Variants in CPNE5 observed in about 807,000 individuals in gnomAD.
CPNE5 encodes copine 5.
Under a neutral mutation model 81.1 loss-of-function variants are expected in CPNE5, and 42 were observed. The ratio of observed to expected loss-of-function variants is 0.52; its 90% CI spans 0.40 to 0.67. CPNE5 has a LOEUF of 0.67. Among genes scored for constraint, CPNE5 ranks in the 30% least tolerant of loss-of-function variants. The pLI, the probability that CPNE5 is intolerant of heterozygous loss-of-function variation, is 0.00. For synonymous variants in CPNE5, 313 were observed against 321.5 expected (o/e 0.97, Z 0.28); for missense variants, 612 against 815.5 (o/e 0.75, Z 3.04).
Position 36,773,604 on chromosome 6 carries a change from A to C in CPNE5, c.737+1357T>G, listed in dbSNP as rs138222126. Among the ~76,000 whole-genome samples the C allele has an allele frequency of 8.7e-3, 1,327 of 152,252 alleles. 17 individuals carry two copies. The highest frequency in any genetic ancestry group is 0.03 in the African/African-American group (1,245 of 41,526). On this transcript the variant is annotated intron_variant, in intron 10 of 20. Transcript: ENST00000244751. ...TGCTGAATTTGGTATTTTAGGCACA[A>C]CAGAGCCTCGTTGTGTAGGTTGTGT...
At chr6:36,776,821 C>T (rs1448720236) in intron 9 of CPNE5, among the ~76,000 whole-genome samples, 1 of 152,080 alleles carries the variant, frequency 6.6e-6, no homozygotes, top group African/African-American at 2.4e-5. Flanking sequence ...GTGACAGTTC[C>T]CTCTCCTGGC....
rs865884345 is a variant in CPNE5, at chr6:36,834,285, A to G, written c.95+4998T>C. Among the ~76,000 whole-genome samples the G allele has an allele frequency of 1.8e-3, 164 of 91,470 alleles. 2 individuals carry two copies. The highest frequency in any genetic ancestry group is 7.6e-3 in the African/African-American group (157 of 20,720). The allele number at this position is 91,470 out of a possible 152,430, so 60.0% of individuals were successfully genotyped here. A position where few individuals can be genotyped will look rare whatever the true frequency, so the allele number is the denominator to read the frequency against. ...AAAAAAAAAAAAAAAAAAAGGAAGG[A>G]AGGGAGGGAGGGAGGGAGGGAGGGA... On this transcript the variant is annotated intron_variant, in intron 1 of 20. Transcript: ENST00000244751.
At position 36,746,336 on chromosome 6, in the gene CPNE5, C is replaced by CCCCG; in HGVS notation, c.1200+59_1200+60insCGGG. The CCCCG allele has an allele frequency of 7.1e-7, 1 of 1,408,066 alleles. No individual in the cohort carries two copies. The highest frequency in any genetic ancestry group is 9.5e-7 in the Non-Finnish European group (1 of 1,049,494). 87.2% of individuals were successfully genotyped at this position (1,408,066 alleles called of 1,614,324 possible). A position where few individuals can be genotyped will look rare whatever the true frequency, so the allele number is the denominator to read the frequency against. ...AGGAAGGGAAACGTCCCCCCACCCC[C>CCCCG]AGCTTGTCACCTCACCCCCAGCCTG... is the stretch of plus-strand genomic sequence containing the variant. On this transcript the variant is annotated intron_variant, in intron 16 of 20. Coordinates refer to ENST00000244751, the MANE Select transcript of CPNE5 (RefSeq NM_020939.2). The surrounding 1 kb of genome is among the most constrained non-coding windows in gnomAD (Gnocchi z 4.5).
chr6:36,822,219 C>A, intron 2 of CPNE5, 59 bp from the exon 3 acceptor site: 1 of 1,390,860 alleles, frequency 7.2e-7, no homozygotes, highest in South Asian at 1.5e-5. Flanking sequence ...GGAGGGGTCC[C>A]AGATGAAAAG....
chr6:36,797,160 C>A (rs999761109), intron 6 of CPNE5, among the ~76,000 whole-genome samples: 3 of 152,224 alleles, frequency 2.0e-5, no homozygotes, highest in Non-Finnish European at 2.9e-5. Flanking sequence ...ATCGCCTTGG[C>A]CTCCCAAAGT....
intron 11 of CPNE5, among the ~76,000 whole-genome samples, chr6:36,763,286 T>C (rs918600200): frequency 1.2e-4 from 18 of 152,136 alleles, no homozygotes; most frequent in Admixed American, 7.9e-4. Flanking sequence ...AATTTGAATA[T>C]GAAATGAATA....
At position 36,794,642 on chromosome 6, in the gene CPNE5, C is replaced by A; in HGVS notation, c.412G>T (p.Ala138Ser). The change falls in exon 7 of 21, where the codon GCA (alanine) becomes TCA (serine). Residue 138 changes from alanine (A) to serine (S), a missense_variant. Ala to Ser is a moderately conservative substitution (Grantham distance 99, BLOSUM62 1). Coordinates refer to ENST00000244751, the MANE Select transcript of CPNE5 (RefSeq NM_020939.2). ...CCCGTCCTGGAATTCAGGCTGAATG[C>A]GCCTATCCTGTGGAGAGAGAGGGGG... ...SRLEKPLTIG[A>S]FSLNSRTGKP... 2 of 1,613,716 alleles carry A rather than the reference C, an allele frequency of 1.2e-6. No individual in the cohort carries two copies. Among genetic ancestry groups the A allele is most frequent in the Non-Finnish European group, 1.7e-6 (2 of 1,179,842 alleles).
intron 3 of CPNE5, among the ~76,000 whole-genome samples, chr6:36,806,006 TGCCCTCAGAGGGAA>T (rs1770557651): frequency 1.3e-5 from 2 of 152,156 alleles, no homozygotes; most frequent in South Asian, 4.1e-4. Context: ...GTCGCCAAAC[TGCCCTCAGAGGGAA>T]GCCCAGAGCA....
intron 8 of CPNE5, among the ~76,000 whole-genome samples, chr6:36,789,967 C>G (rs1768941238): frequency 6.6e-6 from 1 of 152,176 alleles, no homozygotes; most frequent in Non-Finnish European, 1.5e-5. Context: ...ACTATCGATT[C>G]TGTGTTCGTG....
At chr6:36,756,557 A>G (rs1358998890) in intron 12 of CPNE5, among the ~76,000 whole-genome samples, 2 of 152,212 alleles carry the variant, frequency 1.3e-5, no homozygotes, top group East Asian at 1.9e-4. Flanking sequence ...CTTCTCTCCC[A>G]CTGTTCCCCG....
chr6:36,806,689 A>C (rs1770621580), intron 3 of CPNE5, among the ~76,000 whole-genome samples: 1 of 152,192 alleles, frequency 6.6e-6, no homozygotes, highest in Non-Finnish European at 1.5e-5. Context: ...ATGTTTACAC[A>C]CATACAATTT....
chr6:36,837,364 G>A (rs1253726377), intron 1 of CPNE5, among the ~76,000 whole-genome samples: 1 of 152,230 alleles, frequency 6.6e-6, no homozygotes. Flanking sequence ...CCCAAGTGGT[G>A]AAGCAGAGAT....
chr6:36,748,284 A>G lies in CPNE5; in HGVS notation c.972-17T>C, dbSNP rs760087101. 1.8e-5 allele frequency: 29 copies of G among 1,613,770 alleles called. No homozygotes were observed. The Admixed American group carries it at 4.7e-4, about 26-fold the overall frequency. ...ATCTGGGTCCTAGAAGAGGGAGAAC[A>G]GCAGGGGAGTCACCTGGAGGGAGGC... On this transcript the variant is annotated splice_polypyrimidine_tract_variant and intron_variant, in intron 14 of 20. Transcript: ENST00000244751.
rs138533944 is a variant in CPNE5, at chr6:36,820,926, A to G, written c.183+1188T>C. On this transcript the variant is annotated intron_variant, in intron 3 of 20. Coordinates refer to ENST00000244751, the MANE Select transcript of CPNE5 (RefSeq NM_020939.2). ...CACACCACTGCACTCCAGCCCAGGC[A>G]ACAGAGGAAGACACTGTCTCAAGGA... Among the ~76,000 whole-genome samples, 629 of 152,168 alleles carry G rather than the reference A, an allele frequency of 4.1e-3. 3 individuals carry two copies. The highest frequency in any genetic ancestry group is 0.02 in the South Asian group (96 of 4,810).
At chr6:36,804,432 C>A (rs1770400881) in intron 3 of CPNE5, among the ~76,000 whole-genome samples, 1 of 152,194 alleles carries the variant, frequency 6.6e-6, no homozygotes, top group Non-Finnish European at 1.5e-5. Context: ...TTGATGAATA[C>A]CTCCTGCCTT....
At chr6:36,772,276 C>A (rs557307401) in intron 10 of CPNE5, among the ~76,000 whole-genome samples, 3 of 152,250 alleles carry the variant, frequency 2.0e-5, no homozygotes, top group Admixed American at 2.0e-4. Flanking sequence ...GTGCCCCTGT[C>A]CCCAGGATCC....
At chr6:36,787,469 G>A (rs941218718) in intron 8 of CPNE5, among the ~76,000 whole-genome samples, 2 of 152,004 alleles carry the variant, frequency 1.3e-5, no homozygotes, top group African/African-American at 4.8e-5. Flanking sequence ...TCTCCCACCT[G>A]TCTATATATA....
intron 1 of CPNE5, among the ~76,000 whole-genome samples, chr6:36,835,214 T>C (rs1037987534): frequency 3.5e-4 from 54 of 152,250 alleles, no homozygotes; most frequent in African/African-American, 1.2e-3. Context: ...TTTCTTGTTA[T>C]GTAAAAAATG....
intron 1 of CPNE5, among the ~76,000 whole-genome samples, chr6:36,825,471 G>A (rs1772419859): frequency 6.6e-6 from 1 of 152,038 alleles, no homozygotes; most frequent in Non-Finnish European, 1.5e-5. Context: ...ACCCCCAACT[G>A]GGCCTCCCTG....
Sources: allele counts gnomAD v4.1 joint callset (sites outside exome capture counted in the v4.1 genomes callset), GRCh38; gene constraint gnomAD v4.1.1; non-coding constraint Gnocchi (gnomAD v3.1); transcripts MANE v1.5; gene names NCBI Gene and HGNC (gene_info 2026-07-23, HGNC 2026-07-21).